AP4S1: variants seen among roughly 807,000 people sequenced by gnomAD.
The protein encoded by AP4S1 is adaptor related protein complex 4 subunit sigma 1.
AP4S1 carries 23 observed loss-of-function variants against 19.8 expected under a neutral mutation model. The observed-to-expected ratio is 1.16, with a 90% CI of 0.84 to 1.65. The LOEUF (loss-of-function observed/expected upper bound fraction) is 1.65, where lower values mean the gene tolerates loss of function less well. Ranked by LOEUF, AP4S1 falls within the 40% of genes most tolerant of loss-of-function variation. The pLI, the probability that AP4S1 is intolerant of heterozygous loss-of-function variation, is 0.00. For synonymous variants in AP4S1, 46 were observed against 54.1 expected (o/e 0.85, Z 0.66); for missense variants, 166 against 172.8 (o/e 0.96, Z 0.22).
At chr14:31,073,682 C>A (rs1226428582) in intron 4 of AP4S1, among the ~76,000 whole-genome samples, 1 of 151,148 alleles carries the variant, frequency 6.6e-6, no homozygotes, top group African/African-American at 2.4e-5. Context: ...CAGCTCACTG[C>A]AAGCCGTGCC....
At chr14:31,048,921 T>G (rs553533878) in intron 1 of AP4S1, among the ~76,000 whole-genome samples, 1 of 152,162 alleles carries the variant, frequency 6.6e-6, no homozygotes, top group South Asian at 2.1e-4. Context: ...ACCTATATGT[T>G]TGTGTAGGAC....
chr14:31,025,851 C>G, intron 1 of AP4S1, 64 bp downstream of exon 1: 2 of 1,562,824 alleles, frequency 1.3e-6, no homozygotes, highest in Non-Finnish European at 8.6e-7. Context: ...GCCCCACCCC[C>G]CGGCCGGGAA....
intron 1 of AP4S1, among the ~76,000 whole-genome samples, chr14:31,057,485 C>T (rs1031219947): frequency 1.3e-5 from 2 of 152,198 alleles, no homozygotes; most frequent in African/African-American, 4.8e-5. Flanking sequence ...AAATATAATA[C>T]CTGCTCAATT....
chr14:31,054,878 A>C (rs1037577122), intron 1 of AP4S1, among the ~76,000 whole-genome samples: 5 of 145,092 alleles, frequency 3.4e-5, no homozygotes, highest in Non-Finnish European at 6.1e-5. Context: ...AAAAAAAAAA[A>C]AAAAAAAAAA....
At chr14:31,053,339 G>T (rs1885913880) in intron 1 of AP4S1, among the ~76,000 whole-genome samples, 1 of 152,112 alleles carries the variant, frequency 6.6e-6, no homozygotes, top group Admixed American at 6.6e-5. Context: ...CAGTGCAAGG[G>T]CTGGGTGCCA....
At chr14:31,068,461 T>G (rs1886841283) in intron 2 of AP4S1, among the ~76,000 whole-genome samples, 1 of 152,250 alleles carries the variant, frequency 6.6e-6, no homozygotes, top group Non-Finnish European at 1.5e-5. Flanking sequence ...AGTTCCTCTT[T>G]GAATTACTAC....
At chr14:31,048,026 G>A (rs1885521962) in intron 1 of AP4S1, among the ~76,000 whole-genome samples, 1 of 151,792 alleles carries the variant, frequency 6.6e-6, no homozygotes, top group African/African-American at 2.4e-5. Flanking sequence ...CTTGCATTTA[G>A]GTCTATGATC....
chr14:31,083,425 G>C (rs1311385902), intron 5 of AP4S1: 3 of 447,268 alleles, frequency 6.7e-6, no homozygotes, highest in African/African-American at 4.2e-5. Context: ...GATCTCACTT[G>C]TACTTCCAGT....
intron 1 of AP4S1, among the ~76,000 whole-genome samples, chr14:31,051,849 C>T (rs761652701): frequency 6.6e-6 from 1 of 152,028 alleles, no homozygotes; most frequent in Non-Finnish European, 1.5e-5. Flanking sequence ...TTAGTAGAGC[C>T]GGGGTTTAGC....
chr14:31,091,196 T>G (rs1251260118), intron 5 of AP4S1, among the ~76,000 whole-genome samples: 2 of 152,178 alleles, frequency 1.3e-5, no homozygotes, highest in Non-Finnish European at 2.9e-5. Context: ...AACTAATTCA[T>G]GGGTTAAAAT....
At chr14:31,071,225 T>C (rs1886980978) in intron 3 of AP4S1, among the ~76,000 whole-genome samples, 1 of 152,132 alleles carries the variant, frequency 6.6e-6, no homozygotes, top group African/African-American at 2.4e-5. Flanking sequence ...ACTGAAATAT[T>C]GATTTGTTGT....
intron 4 of AP4S1, among the ~76,000 whole-genome samples, chr14:31,076,553 C>T (rs558193532): frequency 6.6e-6 from 1 of 152,156 alleles, no homozygotes; most frequent in Non-Finnish European, 1.5e-5. Flanking sequence ...TTTATATATT[C>T]TGAATACAAG....
intron 1 of AP4S1, among the ~76,000 whole-genome samples, chr14:31,051,249 G>A (rs1885773924): frequency 2.0e-5 from 3 of 148,304 alleles, no homozygotes; most frequent in South Asian, 2.1e-4. Context: ...GAGCAAAACC[G>A]TGTCTCAAAA....
intron 5 of AP4S1, chr14:31,084,888 C>T (rs1213026308): frequency 1.2e-6 from 2 of 1,614,028 alleles, no homozygotes; most frequent in African/African-American, 2.7e-5. Flanking sequence ...ACTGAATAGC[C>T]AGGGGAGGGC....
chr14:31,070,030 C>T, intron 3 of AP4S1, 101 bp downstream of exon 3: 1 of 1,018,658 alleles, frequency 9.8e-7, no homozygotes, highest in Non-Finnish European at 1.5e-6. Flanking sequence ...GAATTTTGCC[C>T]TGTCACCAGT....
chr14:31,044,100 G>C (rs55675143), intron 1 of AP4S1, among the ~76,000 whole-genome samples: 69,780 of 152,036 alleles, frequency 0.46, 16,402 homozygotes, highest in Admixed American at 0.58. Flanking sequence ...CAAACTGTAA[G>C]TATGTATGTA....
chr14:31,055,540 G>A (rs1886059711), intron 1 of AP4S1, among the ~76,000 whole-genome samples: 1 of 152,134 alleles, frequency 6.6e-6, no homozygotes, highest in Non-Finnish European at 1.5e-5. Context: ...CTTGTCCAGG[G>A]TCACAAAGCC....
intron 1 of AP4S1, among the ~76,000 whole-genome samples, chr14:31,043,359 T>C (rs565364356): frequency 6.6e-6 from 1 of 152,206 alleles, no homozygotes; most frequent in Admixed American, 6.5e-5. Flanking sequence ...CTACTTCAAA[T>C]ATACTTTGAA....
chr14:31,084,929 C>G lies in AP4S1; in HGVS notation c.306+4345C>G, dbSNP rs112223943. On this transcript the variant is annotated intron_variant, in intron 5 of 5. Transcript: ENST00000542754. ...TGAACAGCACAGTATGGGAGACACA[C>G]CAACTACTCTTCAAATCAGTGCGTA... 1,567 of 1,613,684 alleles carry G rather than the reference C, an allele frequency of 9.7e-4. 23 individuals are homozygous for G. In the African/African-American group the frequency reaches 0.018, roughly 19 times the overall value.
Sources: allele counts gnomAD v4.1 joint callset (sites outside exome capture counted in the v4.1 genomes callset), GRCh38; gene constraint gnomAD v4.1.1; transcripts MANE v1.5; gene names NCBI Gene and HGNC (gene_info 2026-07-23, HGNC 2026-07-21).